Variants in KCNG3 observed in about 807,000 individuals in gnomAD.
KCNG3 encodes the protein potassium voltage-gated channel modifier subfamily G member 3.
Under a neutral mutation model 29.0 loss-of-function variants are expected in KCNG3, and 15 were observed. That is an observed-to-expected ratio of 0.52 (90% CI 0.35 to 0.80). KCNG3 has a LOEUF of 0.80. KCNG3 is among the 30% of genes least tolerant of loss of function. The probability of loss-of-function intolerance (pLI) is 0.01; values close to 1 mark genes in which losing one functional copy is unlikely to be tolerated. For synonymous variants in KCNG3, 322 were observed against 248.9 expected, an observed-to-expected ratio of 1.29 and a Z score of -2.76; for missense variants, 512 against 605.7, an observed-to-expected ratio of 0.85 and a Z score of 1.62.
chr2:42,492,923 C>A lies in KCNG3; in HGVS notation c.579G>T (p.Leu193Phe), dbSNP rs747040926. The change falls in exon 1 of 2, where the codon TTG becomes TTT. Residue 193 changes from leucine to phenylalanine, a missense_variant. Physicochemically the swap from Leu to Phe is conservative, Grantham distance 22. Coordinates refer to ENST00000306078, the MANE Select transcript of KCNG3 (RefSeq NM_133329.6). ...VSMVVLCAST[L>F]PDWRNAAADN... ...CGGCGGCTGCGTTGCGCCAGTCGGGCAACGTGCTGGCGCACAGCACCACCA... is the reference window on the plus strand; with the variant it reads ...CGGCGGCTGCGTTGCGCCAGTCGGGAAACGTGCTGGCGCACAGCACCACCA... 19 of 1,586,500 alleles carry A rather than the reference C, an allele frequency of 1.2e-5. No individual in the cohort carries two copies. The highest frequency in any genetic ancestry group is 1.5e-5 in the Non-Finnish European group (18 of 1,170,286).
the KCNG3 span, among the ~76,000 whole-genome samples, chr2:42,409,744 A>G: frequency 6.8e-6 from 1 of 147,570 alleles, no homozygotes; most frequent in Non-Finnish European, 1.5e-5. Context: ...TTTTTAAATT[A>G]TACAGTGAAA....
At chr2:42,488,154 A>T (rs1485857367) in intron 1 of KCNG3, among the ~76,000 whole-genome samples, 3 of 152,206 alleles carry the variant, frequency 2.0e-5, no homozygotes, top group Non-Finnish European at 4.4e-5. Flanking sequence ...TTAGATTTTG[A>T]ACCGTTTTTA....
At chr2:42,397,479 C>T in the KCNG3 span, among the ~76,000 whole-genome samples, 3 of 152,132 alleles carry the variant, frequency 2.0e-5, no homozygotes, top group Non-Finnish European at 2.9e-5. Flanking sequence ...CTTACCTATA[C>T]ATATGCCTAT....
chr2:42,441,544 T>C (rs1484506745), downstream of KCNG3, among the ~76,000 whole-genome samples: 1 of 151,848 alleles, frequency 6.6e-6, no homozygotes, highest in Non-Finnish European at 1.5e-5. Context: ...CGTCTCATCG[T>C]CTCCTTATAA....
chr2:42,403,106 T>C, the KCNG3 span, among the ~76,000 whole-genome samples: 1 of 152,212 alleles, frequency 6.6e-6, no homozygotes, highest in Non-Finnish European at 1.5e-5. Context: ...ATTTTCTTTG[T>C]CTTGTTAATG....
the KCNG3 span, among the ~76,000 whole-genome samples, chr2:42,388,821 C>A: frequency 0.044 from 6,723 of 152,244 alleles, 206 homozygotes; most frequent in Middle Eastern, 0.11. Context: ...CTAGAGAAAA[C>A]CACTATTTAT....
At chr2:42,465,756 T>C (rs985410379) in intron 1 of KCNG3, among the ~76,000 whole-genome samples, 6 of 152,200 alleles carry the variant, frequency 3.9e-5, no homozygotes, top group Non-Finnish European at 2.9e-5. Flanking sequence ...GTATCCAGAT[T>C]GTACAAAGAA....
intron 1 of KCNG3, among the ~76,000 whole-genome samples, chr2:42,454,113 A>C (rs1051978008): frequency 1.3e-5 from 2 of 151,148 alleles, no homozygotes; most frequent in East Asian, 3.9e-4. Context: ...AAAAAAAATC[A>C]CACCAGAAAA....
At chr2:42,486,215 C>T (rs1673716715) in intron 1 of KCNG3, among the ~76,000 whole-genome samples, 1 of 152,216 alleles carries the variant, frequency 6.6e-6, no homozygotes, top group African/African-American at 2.4e-5. Context: ...CCTAGCACAG[C>T]TTCACACAAT....
the KCNG3 span, among the ~76,000 whole-genome samples, chr2:42,436,683 G>C: frequency 1.3e-5 from 2 of 152,302 alleles, no homozygotes; most frequent in Admixed American, 6.5e-5. Context: ...AAAACAGCTA[G>C]AACAGGGAAT....
intron 1 of KCNG3, among the ~76,000 whole-genome samples, chr2:42,482,561 A>G (rs1468581563): frequency 6.6e-6 from 1 of 152,170 alleles, no homozygotes; most frequent in African/African-American, 2.4e-5. Flanking sequence ...CGTCTCTACT[A>G]AAAATACAAA....
chr2:42,449,113 C>T (rs1472558888), intron 1 of KCNG3, among the ~76,000 whole-genome samples: 1 of 152,112 alleles, frequency 6.6e-6, no homozygotes, highest in Non-Finnish European at 1.5e-5. Context: ...AACCAACATC[C>T]TACATGTACC....
chr2:42,412,286 A>G, the KCNG3 span, among the ~76,000 whole-genome samples: 1 of 152,210 alleles, frequency 6.6e-6, no homozygotes, highest in African/African-American at 2.4e-5. Context: ...AAACTGTTAC[A>G]AGCAATTTTT....
chr2:42,470,554 T>A (rs1558383605), intron 1 of KCNG3, among the ~76,000 whole-genome samples: 1 of 152,114 alleles, frequency 6.6e-6, no homozygotes, highest in Non-Finnish European at 1.5e-5. Flanking sequence ...AATCAGTACC[T>A]AGGATGTATA....
At chr2:42,468,325 C>A (rs1673195576) in intron 1 of KCNG3, among the ~76,000 whole-genome samples, 1 of 152,066 alleles carries the variant, frequency 6.6e-6, no homozygotes, top group African/African-American at 2.4e-5. Flanking sequence ...CTTTGACATA[C>A]AATGAAGTTA....
At chr2:42,434,033 T>G in the KCNG3 span, among the ~76,000 whole-genome samples, 7 of 152,348 alleles carry the variant, frequency 4.6e-5, no homozygotes, top group Middle Eastern at 3.4e-3. Context: ...ATTCATAGAT[T>G]AGAAGACTTA....
At chr2:42,400,542 C>CT in the KCNG3 span, among the ~76,000 whole-genome samples, 1 of 152,134 alleles carries the variant, frequency 6.6e-6, no homozygotes, top group South Asian at 2.1e-4. Context: ...CAAACACCCC[C>CT]TCCTTGTCAC....
the KCNG3 span, among the ~76,000 whole-genome samples, chr2:42,410,118 C>T: frequency 1.3e-5 from 2 of 152,000 alleles, no homozygotes; most frequent in Non-Finnish European, 1.5e-5. Context: ...GGAGATCTTG[C>T]CATAGGTGGA....
intron 1 of KCNG3, among the ~76,000 whole-genome samples, chr2:42,454,578 A>T (rs2103678733): frequency 6.6e-6 from 1 of 152,110 alleles, no homozygotes; most frequent in African/African-American, 2.4e-5. Flanking sequence ...CAGGCGTGGT[A>T]GTGGGTGCCT....
Sources: gnomAD v4.1 joint callset for allele counts (sites outside exome capture counted in the v4.1 genomes callset) on GRCh38, gnomAD v4.1.1 for gene constraint, MANE v1.5 for transcripts, NCBI Gene and HGNC (gene_info 2026-07-23, HGNC 2026-07-21) for gene names.